The following PPP1R1C variants were observed in gnomAD, a reference collection of about 807,000 sequenced individuals.
The protein encoded by PPP1R1C is protein phosphatase 1 regulatory subunit 1C.
A neutral mutation model predicts 17.4 loss-of-function variants in PPP1R1C; 15 were observed. The observed-to-expected ratio is 0.86, with a 90% CI of 0.58 to 1.33. The LOEUF (loss-of-function observed/expected upper bound fraction) is 1.33, where lower values mean the gene tolerates loss of function less well. Among genes scored for constraint, PPP1R1C ranks in the 40% most tolerant of loss-of-function variants. The pLI, the probability that PPP1R1C is intolerant of heterozygous loss-of-function variation, is 0.00. For synonymous variants in PPP1R1C, 35 were observed against 43.1 expected, an observed-to-expected ratio of 0.81 and a Z score of 0.73; for missense variants, 143 against 130.0, an observed-to-expected ratio of 1.10 and a Z score of -0.48.
chr2:181,955,803 G>C (rs1684661027), intron 1 of PPP1R1C, among the ~76,000 whole-genome samples: 1 of 152,152 alleles, frequency 6.6e-6, no homozygotes, highest in Non-Finnish European at 1.5e-5. Context: ...CTAGCACACA[G>C]AGATAAGCGC....
At chr2:182,058,049 TTTAA>T (rs1237820519) in intron 2 of PPP1R1C, among the ~76,000 whole-genome samples, 69 of 152,290 alleles carry the variant, frequency 4.5e-4, no homozygotes, top group African/African-American at 1.4e-3. Context: ...GTCATTACTA[TTTAA>T]TTGTTACAAT....
chr2:182,082,019 A>G (rs1285956225), intron 4 of PPP1R1C, among the ~76,000 whole-genome samples: 1 of 151,794 alleles, frequency 6.6e-6, no homozygotes, highest in Non-Finnish European at 1.5e-5. Context: ...TTATTCCTGA[A>G]GCTTAAAGAA....
At position 182,002,550 on chromosome 2, in the gene PPP1R1C, G is replaced by A. The variant is rs527955763; in HGVS notation, c.142+14651G>A. On this transcript the variant is annotated intron_variant, in intron 2 of 4. Transcript: ENST00000682840. ...AATAAAAATTATTATGTAATAATGA[G>A]CAAGATTCCTTGGGCTTAAAGTAAT... 1.4e-4 allele frequency among the ~76,000 whole-genome samples: 21 copies of A among 152,040 alleles called. No homozygotes were observed. The South Asian group carries it at 4.4e-3, about 32-fold the overall frequency.
intron 2 of PPP1R1C, among the ~76,000 whole-genome samples, chr2:182,049,573 G>T (rs767550544): frequency 6.6e-6 from 1 of 152,010 alleles, no homozygotes; most frequent in South Asian, 2.1e-4. Context: ...ACACAGAGGG[G>T]TGGAACATCA....
At chr2:182,120,308 C>A (rs983104769), downstream of PPP1R1C, among the ~76,000 whole-genome samples, 1 of 152,006 alleles carries the variant, frequency 6.6e-6, no homozygotes, top group Non-Finnish European at 1.5e-5. Flanking sequence ...GTTACTGTAG[C>A]CTTGTAGCTG....
intron 1 of PPP1R1C, among the ~76,000 whole-genome samples, chr2:181,972,976 G>A (rs192709427): frequency 1.6e-4 from 25 of 152,174 alleles, no homozygotes; most frequent in African/African-American, 5.1e-4. Context: ...TATTACACAA[G>A]CAGTATAATG....
intron 4 of PPP1R1C, among the ~76,000 whole-genome samples, chr2:182,093,177 C>A (rs1688837829): frequency 6.6e-6 from 1 of 152,164 alleles, no homozygotes; most frequent in Non-Finnish European, 1.5e-5. Context: ...TGTACACTAT[C>A]AGGCTCAACA....
At chr2:182,070,268 C>A (rs898459514) in intron 4 of PPP1R1C, among the ~76,000 whole-genome samples, 1 of 152,188 alleles carries the variant, frequency 6.6e-6, no homozygotes, top group Non-Finnish European at 1.5e-5. Flanking sequence ...CCTGCTCATG[C>A]ACACTTGTGA....
intron 2 of PPP1R1C, among the ~76,000 whole-genome samples, chr2:181,975,660 A>G: frequency 6.6e-6 from 1 of 151,868 alleles, no homozygotes; most frequent in Non-Finnish European, 1.5e-5. Flanking sequence ...TTATTTTATT[A>G]TTATTATAAT....
intron 4 of PPP1R1C, chr2:182,103,905 GAT>G (rs924644505): frequency 2.0e-5 from 3 of 152,050 alleles, no homozygotes; most frequent in African/African-American, 7.2e-5. Flanking sequence ...TCACACTTTC[GAT>G]AAAAGAAAAG....
intron 2 of PPP1R1C, among the ~76,000 whole-genome samples, chr2:182,059,301 T>G (rs1353595168): frequency 6.6e-6 from 1 of 152,134 alleles, no homozygotes; most frequent in Non-Finnish European, 1.5e-5. Flanking sequence ...AATTTATAGT[T>G]TTTGATTATG....
chr2:182,077,463 T>G (rs2125210040), intron 4 of PPP1R1C, among the ~76,000 whole-genome samples: 1 of 152,342 alleles, frequency 6.6e-6, no homozygotes, highest in Admixed American at 6.5e-5. Flanking sequence ...TGTCCCATGT[T>G]TTACTTATAA....
At chr2:182,072,405 T>A (rs537318749) in intron 4 of PPP1R1C, among the ~76,000 whole-genome samples, 3 of 152,362 alleles carry the variant, frequency 2.0e-5, no homozygotes, top group African/African-American at 2.4e-5. Flanking sequence ...TACCTTACAG[T>A]TGTGTAGTGT....
intron 4 of PPP1R1C, among the ~76,000 whole-genome samples, chr2:182,103,147 G>A (rs142704310): frequency 7.9e-5 from 12 of 152,202 alleles, no homozygotes; most frequent in Non-Finnish European, 1.5e-4. Context: ...CTAAAAGTTG[G>A]GGGGAGGTTC....
intron 3 of PPP1R1C, among the ~76,000 whole-genome samples, chr2:182,062,298 A>G (rs143853092): frequency 9.3e-4 from 141 of 152,286 alleles, no homozygotes; most frequent in African/African-American, 3.2e-3. Flanking sequence ...AAACTCTTAC[A>G]TAAATATAAA....
intron 4 of PPP1R1C, among the ~76,000 whole-genome samples, chr2:182,104,102 C>G (rs1689179583): frequency 6.6e-6 from 1 of 152,182 alleles, no homozygotes; most frequent in South Asian, 2.1e-4. Context: ...TTTCTTGCCA[C>G]TAGGTAAAAT....
chr2:182,112,133 A>T (rs1689457347), intron 4 of PPP1R1C, among the ~76,000 whole-genome samples: 1 of 151,998 alleles, frequency 6.6e-6, no homozygotes, highest in African/African-American at 2.4e-5. Context: ...TGACCTTCCC[A>T]TCTGATTTGT....
downstream of PPP1R1C, among the ~76,000 whole-genome samples, chr2:182,119,948 T>A (rs1479517206): frequency 6.6e-6 from 1 of 152,222 alleles, no homozygotes; most frequent in Non-Finnish European, 1.5e-5. Context: ...TTGTTGCCAT[T>A]GCTTTTGGTG....
chr2:182,064,219 A>G (rs1196162), intron 4 of PPP1R1C: 6,934 of 177,714 alleles, frequency 0.039, 458 homozygotes, highest in Admixed American at 0.18. Context: ...GTATTGTGTC[A>G]GGAGCAGCTC....
Sources: gnomAD v4.1 joint callset for allele counts (sites outside exome capture counted in the v4.1 genomes callset) on GRCh38, gnomAD v4.1.1 for gene constraint, MANE v1.5 for transcripts, NCBI Gene and HGNC (gene_info 2026-07-23, HGNC 2026-07-21) for gene names.